ZNF10: variants seen among roughly 807,000 people sequenced by gnomAD.
ZNF10 encodes zinc finger protein 10 (KOX 1).
A neutral mutation model predicts 12.2 loss-of-function variants in ZNF10; 8 were observed. The observed-to-expected ratio is 0.66, with a 90% confidence interval of 0.39 to 1.18. The LOEUF is 1.18. Among genes scored for constraint, ZNF10 ranks in the 50% most tolerant of loss-of-function variants. The pLI, the probability that ZNF10 is intolerant of heterozygous loss-of-function variation, is 0.01. For missense variants in ZNF10, 603 were observed against 678.9 expected, an observed-to-expected ratio of 0.89 and a Z score of 1.24; for synonymous variants, 229 against 228.2, an observed-to-expected ratio of 1.00 and a Z score of -0.03.
chr12:133,145,895 C>T (rs774919830), intron 2 of ZNF10, among the ~76,000 whole-genome samples: 3 of 150,306 alleles, frequency 2.0e-5, no homozygotes, highest in South Asian at 4.2e-4. Flanking sequence ...ATTTCAAATC[C>T]GGTTCTTGGC....
chr12:133,151,959 C>T, intron 4 of ZNF10, 55 bp downstream of exon 4: 3 of 1,431,306 alleles, frequency 2.1e-6, no homozygotes, highest in Non-Finnish European at 2.9e-6. Context: ...CTGTGAGGTG[C>T]CAGAACTTCT....
chr12:133,141,385 A>C (rs1333519520), intron 1 of ZNF10, among the ~76,000 whole-genome samples: 1 of 152,058 alleles, frequency 6.6e-6, no homozygotes, highest in East Asian at 1.9e-4. Flanking sequence ...GAGGACGGTA[A>C]TAATGATTTG....
At position 133,155,945 on chromosome 12, in the gene ZNF10, A is replaced by G; in HGVS notation, c.699A>G (p.Thr233=). 2 of 1,614,098 alleles carry G rather than the reference A, an allele frequency of 1.2e-6. No individual in the cohort carries two copies. Among genetic ancestry groups the G allele is most frequent in the Non-Finnish European group, 1.7e-6 (2 of 1,179,998 alleles). The part of the protein sequence containing the change: ...IHLIQFARTH[T]GDKSYKCPDN... Reference sequence around the variant, plus strand: ...TTATTCAGTTTGCAAGAACTCACACAGGTGATAAATCCTACAAATGCCCTG... The same window carrying G: ...TTATTCAGTTTGCAAGAACTCACACGGGTGATAAATCCTACAAATGCCCTG... The change falls in exon 5 of 5, where the codon ACA becomes ACG. Residue 233 remains threonine (T), a synonymous_variant. Coordinates refer to ENST00000248211, the MANE Select transcript of ZNF10 (RefSeq NM_015394.5).
rs35470467 is a variant in ZNF10 at position 133,134,144 on chromosome 12, C to CAAA, written c.-60+3407_-60+3409dup. Among the ~76,000 whole-genome samples the CAAA allele has an allele frequency of 3.8e-3, 259 of 68,032 alleles. 2 individuals are homozygous for CAAA. Among genetic ancestry groups the CAAA allele is most frequent in the African/African-American group, 9.6e-3 (236 of 24,626 alleles). The allele number at this position is 68,032 out of a possible 152,430, so 44.6% of individuals were successfully genotyped here. A position where few individuals can be genotyped will look rare whatever the true frequency, so the allele number is the denominator to read the frequency against. ...TGAAACCCTGTCGCTACTAAAAATA[C>CAAA]AAAAAAAAAAAAAAAAAAATTAGCT... On this transcript the variant is annotated intron_variant, in intron 1 of 4. Coordinates refer to ENST00000248211, the MANE Select transcript of ZNF10 (RefSeq NM_015394.5).
intron 1 of ZNF10, among the ~76,000 whole-genome samples, chr12:133,132,480 CTTAAA>C (rs751354913): frequency 1.2e-4 from 18 of 151,734 alleles, no homozygotes; most frequent in Non-Finnish European, 2.2e-4. Context: ...AGATACACAT[CTTAAA>C]TTAACAAGAG....
At chr12:133,154,825 C>G (rs1956029577) in intron 4 of ZNF10, among the ~76,000 whole-genome samples, 1 of 152,164 alleles carries the variant, frequency 6.6e-6, no homozygotes, top group Non-Finnish European at 1.5e-5. Context: ...GCCTATAATC[C>G]CAGCACTTTG....
In ZNF10 at chr12:133,147,694, C is replaced by T. The variant is rs1028054723; in HGVS notation, c.33+3169C>T. ...GTGGCACGATATCAGCTCACTGCAA[C>T]GTTTGCCTTCTCCCGGATTCAAGCA... On this transcript the variant is annotated intron_variant, in intron 2 of 4. Transcript: ENST00000248211. Among the ~76,000 whole-genome samples the T allele has an allele frequency of 5.5e-5, 8 of 146,254 alleles. No individual in the cohort carries two copies. In the East Asian group the frequency reaches 6.1e-4, roughly 11 times the overall value.
In ZNF10 at chr12:133,147,837, A is replaced by C. The variant is rs1044009695; in HGVS notation, c.34-3191A>C. On this transcript the variant is annotated intron_variant, in intron 2 of 4. Transcript: ENST00000248211. ...GAGACGGGGTTTCACCGTGTTGCCCAGGCTGGTCTCGAACTGCTGAACTCA... is the reference window on the plus strand; with the variant it reads ...GAGACGGGGTTTCACCGTGTTGCCCCGGCTGGTCTCGAACTGCTGAACTCA... Among the ~76,000 whole-genome samples, 4 of 143,710 alleles carry C rather than the reference A, an allele frequency of 2.8e-5. No homozygotes were observed. In the East Asian group the frequency reaches 8.2e-4, roughly 29 times the overall value. The allele number at this position is 143,710 out of a possible 152,430, so 94.3% of individuals were successfully genotyped here.
intron 4 of ZNF10, among the ~76,000 whole-genome samples, chr12:133,154,592 A>G (rs150975799): frequency 1.2e-4 from 19 of 152,334 alleles, no homozygotes; most frequent in African/African-American, 4.3e-4. Context: ...CAACTCGTCT[A>G]AATTCACCAC....
chr12:133,147,292 G>A (rs1191491168), intron 2 of ZNF10, among the ~76,000 whole-genome samples: 2 of 152,214 alleles, frequency 1.3e-5, no homozygotes, highest in African/African-American at 4.8e-5. Context: ...TGATAGGTGT[G>A]TGCCAAGAGT....
At chr12:133,133,194 A>G (rs1030807340) in intron 1 of ZNF10, among the ~76,000 whole-genome samples, 2 of 152,196 alleles carry the variant, frequency 1.3e-5, no homozygotes, top group Non-Finnish European at 2.9e-5. Context: ...TCTATTGGTT[A>G]CCGAGTTTTA....
chr12:133,149,941 A>T (rs916961890), intron 2 of ZNF10, among the ~76,000 whole-genome samples: 1 of 152,138 alleles, frequency 6.6e-6, no homozygotes, highest in Non-Finnish European at 1.5e-5. Flanking sequence ...TTTACAGTCC[A>T]CTTAGAGTTA....
chr12:133,153,690 A>G (rs904999084), intron 4 of ZNF10, among the ~76,000 whole-genome samples: 1 of 152,222 alleles, frequency 6.6e-6, no homozygotes, highest in African/African-American at 2.4e-5. Context: ...GGCCTGGCAC[A>G]GGGATCATTT....
chr12:133,155,753 T>C lies in ZNF10; in HGVS notation c.507T>C (p.Tyr169=), dbSNP rs1225664944. The stretch of plus-strand genomic sequence containing the variant: ...AGAGAGTCTCTGAAAGTGGTAAATA[T>C]GGGGGAAACTGTCTTCTTCCTGCTC... The part of the protein sequence containing the change: ...TQERVSESGK[Y]GGNCLLPAQL... Residue 169 remains tyrosine, a synonymous_variant, in exon 5 of 5, where the codon TAT becomes TAC. Coordinates refer to ENST00000248211, the MANE Select transcript of ZNF10 (RefSeq NM_015394.5). 13 of 1,612,854 alleles carry C rather than the reference T, an allele frequency of 8.1e-6. No homozygotes were observed. The highest frequency in any genetic ancestry group is 1.1e-5 in the Non-Finnish European group (13 of 1,179,618).
At chr12:133,133,491 T>C (rs951201208) in intron 1 of ZNF10, among the ~76,000 whole-genome samples, 1 of 152,200 alleles carries the variant, frequency 6.6e-6, no homozygotes, top group Non-Finnish European at 1.5e-5. Flanking sequence ...TGGTTCACTA[T>C]CTCATAAGGG....
In ZNF10 at chr12:133,155,916, C is replaced by G; in HGVS notation, c.670C>G (p.His224Asp). The change falls in exon 5 of 5, where the codon CAC (histidine) becomes GAC (aspartate). Residue 224 changes from histidine (H) to aspartate (D), a missense_variant. Transcript: ENST00000248211. Reference sequence around the variant, plus strand: ...TGGTCAAACTTTCTGTCAAAACATTCACCTTATTCAGTTTGCAAGAACTCA... The same window carrying G: ...TGGTCAAACTTTCTGTCAAAACATTGACCTTATTCAGTTTGCAAGAACTCA... Reference protein sequence around the residue: ...ECGQTFCQNIHLIQFARTHTG... With the variant: ...ECGQTFCQNIDLIQFARTHTG... 1.2e-6 allele frequency: 2 copies of G among 1,613,908 alleles called. No individual in the cohort carries two copies. The highest frequency in any genetic ancestry group is 1.7e-6 in the Non-Finnish European group (2 of 1,179,910).
chr12:133,134,021 G>A (rs1453748241), intron 1 of ZNF10, among the ~76,000 whole-genome samples: 1 of 152,008 alleles, frequency 6.6e-6, no homozygotes, highest in Non-Finnish European at 1.5e-5. Flanking sequence ...CTGGGTGGCC[G>A]GGCACGGTGG....
In ZNF10 at chr12:133,156,340, T is replaced by C. The variant is rs777865931; in HGVS notation, c.1094T>C (p.Ile365Thr). The C allele has an allele frequency of 4.3e-6, 7 of 1,614,144 alleles. No individual in the cohort carries two copies. In the South Asian group the frequency reaches 5.5e-5, roughly 13 times the overall value. Residue 365 changes from isoleucine to threonine, a missense_variant, in exon 5 of 5, where the codon ATT becomes ACT. Around this residue, in one of 3 missense-constraint regions of ZNF10, gnomAD observed 204 missense variants for 262.8 expected, o/e 0.78. Coordinates refer to ENST00000248211, the MANE Select transcript of ZNF10 (RefSeq NM_015394.5). ...GKSFVHSSRL[I>T]RHQRTHTGEK... ...TCTTTTGTTCATAGCTCTAGGCTTA[T>C]TAGACACCAGAGGACACATACTGGA...
chr12:133,156,337 T>A lies in ZNF10; in HGVS notation c.1091T>A (p.Leu364His), dbSNP rs974867376. 1.2e-6 allele frequency: 2 copies of A among 1,614,138 alleles called. No individual in the cohort carries two copies. Among genetic ancestry groups the A allele is most frequent in the Non-Finnish European group, 1.7e-6 (2 of 1,180,018 alleles). The part of the protein sequence containing the change: ...CGKSFVHSSR[L>H]IRHQRTHTGE... ...AAATCTTTTGTTCATAGCTCTAGGC[T>A]TATTAGACACCAGAGGACACATACT... Residue 364 changes from leucine (L) to histidine (H), a missense_variant, in exon 5 of 5, where the codon CTT becomes CAT. Leu to His is a moderately conservative substitution (Grantham distance 99). Coordinates refer to ENST00000248211, the MANE Select transcript of ZNF10 (RefSeq NM_015394.5).
Sources: allele counts gnomAD v4.1 joint callset (sites outside exome capture counted in the v4.1 genomes callset), GRCh38; gene constraint gnomAD v4.1.1; regional missense constraint gnomAD v4.1.1; transcripts MANE v1.5; gene names NCBI Gene and HGNC (gene_info 2026-07-23, HGNC 2026-07-21).